DCC: variants seen among roughly 807,000 people sequenced by gnomAD.
The protein encoded by DCC is netrin receptor DCC.
DCC carries 58 observed loss-of-function variants against 172.5 expected under a neutral mutation model. The ratio of observed to expected loss-of-function variants is 0.34; its 90% CI spans 0.27 to 0.42. DCC has a LOEUF of 0.42. DCC is among the 10% of genes least tolerant of loss of function. The pLI is 1.00. For missense variants in DCC, 1,740 were observed against 1,791.0 expected (o/e 0.97, Z 0.51); for synonymous variants, 709 against 644.5 (o/e 1.10, Z -1.52).
At chr18:52,899,752 T>A (rs1459606426) in intron 2 of DCC, among the ~76,000 whole-genome samples, 1 of 152,104 alleles carries the variant, frequency 6.6e-6, no homozygotes, top group African/African-American at 2.4e-5. Context: ...CACCTTGGAC[T>A]GCCAAAGTGT....
At chr18:52,979,288 C>T (rs1022955912) in intron 5 of DCC, among the ~76,000 whole-genome samples, 80 of 152,248 alleles carry the variant, frequency 5.3e-4, no homozygotes, top group African/African-American at 1.8e-3. Flanking sequence ...GTTTGACTAT[C>T]TCTTCCTGGG....
intron 12 of DCC, among the ~76,000 whole-genome samples, chr18:53,265,020 T>A (rs1337763289): frequency 6.6e-5 from 10 of 152,200 alleles, no homozygotes; most frequent in Non-Finnish European, 1.5e-4. Context: ...TAATGCCCAG[T>A]ATGTGCCCAG....
At chr18:53,511,206 T>TAAAA (rs2046246987) in intron 27 of DCC, among the ~76,000 whole-genome samples, 1 of 152,138 alleles carries the variant, frequency 6.6e-6, no homozygotes, top group Non-Finnish European at 1.5e-5. Context: ...TTTTAGTTTA[T>TAAAA]AAAAATAATA....
intron 15 of DCC, among the ~76,000 whole-genome samples, chr18:53,379,016 C>A (rs577540438): frequency 6.6e-6 from 1 of 152,338 alleles, no homozygotes; most frequent in Admixed American, 6.5e-5. Flanking sequence ...TGTTGCTCAT[C>A]CTTTTAAGAG....
intron 2 of DCC, among the ~76,000 whole-genome samples, chr18:52,778,047 C>T (rs2037465238): frequency 6.6e-6 from 1 of 152,024 alleles, no homozygotes; most frequent in African/African-American, 2.4e-5. Context: ...ATAGATAATC[C>T]AAATAGCAAT....
At chr18:52,431,376 G>A (rs1987617163) in intron 1 of DCC, among the ~76,000 whole-genome samples, 1 of 152,228 alleles carries the variant, frequency 6.6e-6, no homozygotes, top group South Asian at 2.1e-4. Flanking sequence ...TTGAATAAGT[G>A]AATGAACATT....
chr18:53,393,897 T>C (rs200686272), intron 17 of DCC, among the ~76,000 whole-genome samples: 34,864 of 91,268 alleles, frequency 0.38, 4,658 homozygotes, highest in South Asian at 0.52. Flanking sequence ...TAATGTACTA[T>C]TCCCTCTCTC....
intron 2 of DCC, among the ~76,000 whole-genome samples, chr18:52,767,998 C>T (rs544113185): frequency 8.5e-5 from 13 of 152,212 alleles, no homozygotes; most frequent in Middle Eastern, 3.4e-3. Context: ...AATGAAATAG[C>T]GCTACAAATA....
chr18:53,165,654 C>A (rs1241962525), intron 8 of DCC, among the ~76,000 whole-genome samples: 1 of 152,168 alleles, frequency 6.6e-6, no homozygotes, highest in Admixed American at 6.5e-5. Context: ...GATTTTATTT[C>A]TCCAGTGGAC....
chr18:53,071,832 G>A (rs916599874), intron 7 of DCC, among the ~76,000 whole-genome samples: 2 of 152,132 alleles, frequency 1.3e-5, no homozygotes, highest in Admixed American at 1.3e-4. Context: ...AATGGGTTAA[G>A]AATCAATGTG....
At chr18:52,929,339 G>A (rs990710192) in intron 5 of DCC, among the ~76,000 whole-genome samples, 4 of 150,200 alleles carry the variant, frequency 2.7e-5, no homozygotes, top group South Asian at 4.4e-4. Context: ...CCTATTCATC[G>A]TTTTTTATTA....
At chr18:53,455,249 TTTG>T (rs2045469142) in intron 23 of DCC, among the ~76,000 whole-genome samples, 2 of 152,220 alleles carry the variant, frequency 1.3e-5, no homozygotes, top group Non-Finnish European at 2.9e-5. Flanking sequence ...GCACTCTTTA[TTTG>T]TCTGCCTAAT....
At chr18:52,776,359 G>T (rs2037432550) in intron 2 of DCC, among the ~76,000 whole-genome samples, 1 of 151,318 alleles carries the variant, frequency 6.6e-6, no homozygotes, top group African/African-American at 2.4e-5. Context: ...AATGTATTAG[G>T]TTTGTTAAGA....
At chr18:53,028,435 A>G (rs1175718825) in intron 5 of DCC, among the ~76,000 whole-genome samples, 1 of 152,150 alleles carries the variant, frequency 6.6e-6, no homozygotes, top group Non-Finnish European at 1.5e-5. Flanking sequence ...AGTGAAGAAA[A>G]ATTATATAAA....
chr18:52,667,771 G>T (rs1447061269), intron 1 of DCC, among the ~76,000 whole-genome samples: 1 of 152,142 alleles, frequency 6.6e-6, no homozygotes, highest in South Asian at 2.1e-4. Flanking sequence ...AGCAAAGAAA[G>T]AAAGAAAGAA....
At chr18:52,738,061 A>G (rs1424509377) in intron 1 of DCC, among the ~76,000 whole-genome samples, 6 of 152,144 alleles carry the variant, frequency 3.9e-5, no homozygotes, top group Non-Finnish European at 1.5e-5. Context: ...ATAAGTATCG[A>G]TATACCATCC....
At chr18:53,493,253 A>G (rs1279060572) in intron 26 of DCC, among the ~76,000 whole-genome samples, 1 of 152,190 alleles carries the variant, frequency 6.6e-6, no homozygotes, top group Non-Finnish European at 1.5e-5. Flanking sequence ...CTAAATATAC[A>G]ATCATGTCTT....
intron 7 of DCC, among the ~76,000 whole-genome samples, chr18:53,127,788 CTG>C (rs1292409608): frequency 6.6e-6 from 1 of 152,150 alleles, no homozygotes; most frequent in East Asian, 1.9e-4. Context: ...AGTGAAAACA[CTG>C]TCACTGCTTT....
At chr18:52,771,935 T>G (rs541608201) in intron 2 of DCC, among the ~76,000 whole-genome samples, 15 of 152,150 alleles carry the variant, frequency 9.9e-5, no homozygotes, top group South Asian at 6.3e-4. Flanking sequence ...GAGGCTGTTG[T>G]CTTTATTAGC....
Sources: gnomAD v4.1 joint callset for allele counts (sites outside exome capture counted in the v4.1 genomes callset) on GRCh38, gnomAD v4.1.1 for gene constraint, MANE v1.5 for transcripts, NCBI Gene and HGNC (gene_info 2026-07-23, HGNC 2026-07-21) for gene names.